The following HNRNPK variants were observed in gnomAD, a reference collection of about 807,000 sequenced individuals.
The protein encoded by HNRNPK is heterogeneous nuclear ribonucleoprotein K.
Under a neutral mutation model 67.0 loss-of-function variants are expected in HNRNPK, and 7 were observed. That is an observed-to-expected ratio of 0.10 (90% CI 0.06 to 0.20). HNRNPK has a LOEUF of 0.20. Ranked by LOEUF, HNRNPK falls within the 10% of genes least tolerant of loss-of-function variation. The probability of loss-of-function intolerance (pLI) is 1.00; values close to 1 mark genes in which losing one functional copy is unlikely to be tolerated. For synonymous variants in HNRNPK, 213 were observed against 193.7 expected (o/e 1.10, Z -0.83); for missense variants, 264 against 606.5 (o/e 0.44, Z 5.93).
intron 3 of HNRNPK, 132 bp from the exon 4 acceptor site, chr9:83,977,918 G>A (rs1230973455): frequency 6.4e-6 from 4 of 625,276 alleles, no homozygotes; most frequent in Middle Eastern, 2.7e-4. Context: ...AGACTTGAAC[G>A]TTATGCTTCC....
At chr9:83,977,528 T>C (rs549815268) in intron 4 of HNRNPK, among the ~76,000 whole-genome samples, 161 bp downstream of exon 4, 62 of 152,298 alleles carry the variant, frequency 4.1e-4, no homozygotes, top group Non-Finnish European at 8.4e-4. Flanking sequence ...TAACTGTTAG[T>C]GGAATAAGAA....
chr9:83,978,439 A>C lies in HNRNPK; in HGVS notation c.-94T>G. 1.6e-6 allele frequency: 2 copies of C among 1,215,384 alleles called. No homozygotes were observed. Among genetic ancestry groups the C allele is most frequent in the South Asian group, 2.1e-5 (1 of 47,984 alleles). The allele number at this position is 1,215,384 out of a possible 1,614,324, so 75.3% of individuals were successfully genotyped here. A position where few individuals can be genotyped will look rare whatever the true frequency, so the allele number is the denominator to read the frequency against. On this transcript the variant is annotated 5_prime_UTR_variant, in exon 2 of 17. Coordinates refer to ENST00000376263, the MANE Select transcript of HNRNPK (RefSeq NM_031263.4). ...GGGTCGGACCAACAACTGACACCCC[A>C]GTGCTGCAGTAGCCTATAAGAACCA... is the stretch of plus-strand genomic sequence containing the variant.
chr9:83,979,981 T>C (rs1178294317), intron 1 of HNRNPK, among the ~76,000 whole-genome samples, 172 bp downstream of exon 1: 2 of 152,142 alleles, frequency 1.3e-5, no homozygotes, highest in Non-Finnish European at 2.9e-5. Flanking sequence ...CAACGCGGAC[T>C]GCGGATACAC....
At chr9:83,974,338 T>C (rs1268565864) in intron 7 of HNRNPK, among the ~76,000 whole-genome samples, 179 bp downstream of exon 7, 2 of 142,564 alleles carry the variant, frequency 1.4e-5, no homozygotes, top group Non-Finnish European at 3.1e-5. Context: ...CCAGCCTGTT[T>C]TTTTTTTTAA....
chr9:83,975,419 C>G (rs1957031858), intron 6 of HNRNPK, 43 bp downstream of exon 6: 1 of 1,574,010 alleles, frequency 6.4e-7, no homozygotes, highest in African/African-American at 1.4e-5. Flanking sequence ...ATACATTTCT[C>G]TCTTTCTAAT....
At chr9:83,974,422 T>C (rs1474672870) in intron 7 of HNRNPK, 95 bp downstream of exon 7, 3 of 601,758 alleles carry the variant, frequency 5.0e-6, no homozygotes, top group Non-Finnish European at 8.8e-6. Context: ...GTCATATCCA[T>C]TGTCTCTCCA....
intron 6 of HNRNPK, 174 bp downstream of exon 6, chr9:83,975,288 G>A (rs1957027070): frequency 1.6e-6 from 1 of 621,658 alleles, no homozygotes; most frequent in Non-Finnish European, 2.9e-6. Flanking sequence ...GTTTGGGTGG[G>A]CAACTCACGG....
Position 83,972,851 on chromosome 9 carries a change from A to G in HNRNPK, c.638T>C (p.Ile213Thr), listed in dbSNP as rs750253391. The G allele has an allele frequency of 5.0e-6, 8 of 1,595,044 alleles. No individual in the cohort carries two copies. Among genetic ancestry groups the G allele is most frequent in the Middle Eastern group, 4.5e-4 (2 of 4,410 alleles). Reference sequence around the variant, plus strand: ...AAAAGTGTTCTGAAGTACCTCAGATATAAGATCAAGGATGATCTTTATGCA... The same window carrying G: ...AAAAGTGTTCTGAAGTACCTCAGATGTAAGATCAAGGATGATCTTTATGCA... ...VECIKIILDL[I>T]SESPIKGRAQ... Residue 213 changes from isoleucine (I) to threonine (T), a missense_variant, in exon 10 of 17, where the codon ATA becomes ACA. Physicochemically the swap from Ile to Thr is moderately conservative, Grantham distance 89. Around this residue, in one of 6 missense-constraint regions of HNRNPK, gnomAD observed 142 missense variants for 256.5 expected, o/e 0.55. Transcript: ENST00000376263.
rs1292378526 is a variant in HNRNPK, at chr9:83,970,678, GA to G, written c.1191+58del. On this transcript the variant is annotated intron_variant, in intron 15 of 16. Coordinates refer to ENST00000376263, the MANE Select transcript of HNRNPK (RefSeq NM_031263.4). ...AACCTTCTGAATTAAAAAATATACA[GA>G]AAGGAGGAATAATCATAAAAGTGAT... 668 of 1,103,568 alleles carry G rather than the reference GA, an allele frequency of 6.1e-4. 2 individuals are homozygous for G. Among genetic ancestry groups the G allele is most frequent in the Admixed American group, 2.9e-4 (15 of 51,176 alleles). The allele number at this position is 1,103,568 out of a possible 1,614,324, so 68.4% of individuals were successfully genotyped here. A position where few individuals can be genotyped will look rare whatever the true frequency, so the allele number is the denominator to read the frequency against.
chr9:83,969,419 A>T lies in HNRNPK; in HGVS notation c.1383T>A (p.Val461=). The change falls in exon 17 of 17, where the codon GTT becomes GTA. Residue 461 remains valine (V), a synonymous_variant. Transcript: ENST00000376263. Reference sequence around the variant, plus strand: ...AAAATATCTTGCATTAGAATCCTTCAACATCTGCATACTGCTTCACACTAT... The same window carrying T: ...AAAATATCTTGCATTAGAATCCTTCTACATCTGCATACTGCTTCACACTAT... The part of the protein sequence containing the change: ...LQNSVKQYAD[V]EGF The T allele has an allele frequency of 6.3e-7, 1 of 1,592,134 alleles. No homozygotes were observed. Among genetic ancestry groups the T allele is most frequent in the Non-Finnish European group, 8.6e-7 (1 of 1,163,400 alleles).
chr9:83,971,775 A>G (rs773226899), intron 11 of HNRNPK, 49 bp from the exon 12 acceptor site: 34 of 1,597,686 alleles, frequency 2.1e-5, no homozygotes, highest in Middle Eastern at 1.7e-4. Flanking sequence ...CATGCCACAC[A>G]TATCAAATCA....
At chr9:83,971,033 T>G (rs1956810358) in intron 13 of HNRNPK, 121 bp from the exon 14 acceptor site, 1 of 1,017,936 alleles carries the variant, frequency 9.8e-7, no homozygotes, top group Admixed American at 2.0e-5. Context: ...TCTCAAACTC[T>G]CGGGCTCAAG....
At chr9:83,978,328 CTG>C (rs80107688) in intron 2 of HNRNPK, 43 bp downstream of exon 2, 1 of 1,279,384 alleles carries the variant, frequency 7.8e-7, no homozygotes. Context: ...GGAAAGCAAG[CTG>C]TAAAAAAAAA....
At position 83,969,131 on chromosome 9, in the gene HNRNPK, C is replaced by T; in HGVS notation, c.*276G>A. The T allele has an allele frequency of 4.0e-6, 2 of 498,228 alleles. No individual in the cohort carries two copies. Among genetic ancestry groups the T allele is most frequent in the Non-Finnish European group, 7.1e-6 (2 of 281,354 alleles). 30.9% of individuals were successfully genotyped at this position (498,228 alleles called of 1,614,324 possible). A position where few individuals can be genotyped will look rare whatever the true frequency, so the allele number is the denominator to read the frequency against. ...CAACAATAACGAAAAATAAAATCCACTCACTCTGCTGCTGTTTCAAAATTT... is the reference window on the plus strand; with the variant it reads ...CAACAATAACGAAAAATAAAATCCATTCACTCTGCTGCTGTTTCAAAATTT... On this transcript the variant is annotated 3_prime_UTR_variant, in exon 17 of 17. Coordinates refer to ENST00000376263, the MANE Select transcript of HNRNPK (RefSeq NM_031263.4).
chr9:83,970,320 A>G lies in HNRNPK; in HGVS notation c.1203T>C (p.Ser401=). The G allele has an allele frequency of 2.5e-6, 4 of 1,610,844 alleles. No individual in the cohort carries two copies. The highest frequency in any genetic ancestry group is 3.4e-6 in the Non-Finnish European group (4 of 1,178,572). Residue 401 remains serine (S), a synonymous_variant, in exon 16 of 17, where the codon TCT becomes TCC. Transcript: ENST00000376263. ...QVTIPKDLAG[S]IIGKGGQRIK... is the part of the protein sequence containing the mutation. ...TCCGCTGACCACCTTTGCCAATAAT[A>G]GATCCAGCCAACTGAAAAGATTTTT...
chr9:83,973,226 C>T lies in HNRNPK; in HGVS notation c.516+60G>A. On this transcript the variant is annotated intron_variant, in intron 9 of 16. Coordinates refer to ENST00000376263, the MANE Select transcript of HNRNPK (RefSeq NM_031263.4). ...GGGAAGCGAGAGAAGCTCACAGAAA[C>T]AAGTCTATATGAAAATTTACTTTCC... is the stretch of plus-strand genomic sequence containing the variant. The T allele has an allele frequency of 5.0e-6, 5 of 991,018 alleles. No homozygotes were observed. In the Admixed American group the frequency reaches 9.0e-5, roughly 18 times the overall value. The allele number at this position is 991,018 out of a possible 1,614,324, so 61.4% of individuals were successfully genotyped here.
At position 83,977,773 on chromosome 9, in the gene HNRNPK, T is replaced by G. The variant is rs114536498; in HGVS notation, c.72A>C (p.Ala24=). 1.4e-5 allele frequency: 23 copies of G among 1,603,348 alleles called. No individual in the cohort carries two copies. In the African/African-American group the frequency reaches 2.4e-4, roughly 17 times the overall value. ...ETNGEFGKRP[A]EDMEEEQAFK... ...ATGCTTGTTCCTCTTCCATATCTTCTGCAGGGCGTTTACCTAAAAATTAAC... is the reference window on the plus strand; with the variant it reads ...ATGCTTGTTCCTCTTCCATATCTTCGGCAGGGCGTTTACCTAAAAATTAAC... Residue 24 remains alanine (A), a synonymous_variant, in exon 4 of 17, where the codon GCA becomes GCC. Transcript: ENST00000376263.
Position 83,973,196 on chromosome 9 carries a change from G to T in HNRNPK, c.516+90C>A. ...CGATAAGCAATCTTTGGAGGGAACT[G>T]AGAGGGGAAGCGAGAGAAGCTCACA... On this transcript the variant is annotated intron_variant, in intron 9 of 16. Coordinates refer to ENST00000376263, the MANE Select transcript of HNRNPK (RefSeq NM_031263.4). 3 of 842,898 alleles carry T rather than the reference G, an allele frequency of 3.6e-6. No individual in the cohort carries two copies. The South Asian group carries it at 4.3e-5, about 12-fold the overall frequency. The allele number at this position is 842,898 out of a possible 1,614,324, so 52.2% of individuals were successfully genotyped here.
At chr9:83,974,137 C>T (rs150791630) in intron 7 of HNRNPK, among the ~76,000 whole-genome samples, 164 bp from the exon 8 acceptor site, 310 of 152,150 alleles carry the variant, frequency 2.0e-3, no homozygotes, top group African/African-American at 7.1e-3. Context: ...AAATATTTTT[C>T]TCTATATACA....
Sources: gnomAD v4.1 joint callset for allele counts (sites outside exome capture counted in the v4.1 genomes callset) on GRCh38, gnomAD v4.1.1 for gene constraint, gnomAD v4.1.1 regional missense constraint, MANE v1.5 for transcripts, NCBI Gene and HGNC (gene_info 2026-07-23, HGNC 2026-07-21) for gene names.